GREB1L: variants seen among roughly 807,000 people sequenced by gnomAD.
GREB1L encodes GREB1-like protein.
Under a neutral mutation model 200.8 loss-of-function variants are expected in GREB1L, and 17 were observed. The observed-to-expected ratio is 0.08, with a 90% CI of 0.06 to 0.13. The LOEUF is 0.13. Among genes scored for constraint, GREB1L ranks in the 10% least tolerant of loss-of-function variants. The pLI, the probability that GREB1L is intolerant of heterozygous loss-of-function variation, is 1.00. For missense variants in GREB1L, 1,657 were observed against 2,367.7 expected (o/e 0.70, Z 6.23); for synonymous variants, 789 against 893.0 (o/e 0.88, Z 2.08).
intron 32 of GREB1L, among the ~76,000 whole-genome samples, chr18:21,521,046 A>C (rs2037585322): frequency 6.6e-6 from 1 of 152,050 alleles, no homozygotes; most frequent in Non-Finnish European, 1.5e-5. Flanking sequence ...ATACAACAAA[A>C]ATTAGCCAGG....
intron 11 of GREB1L, among the ~76,000 whole-genome samples, chr18:21,447,316 T>A (rs2034279308): frequency 6.6e-6 from 1 of 152,066 alleles, no homozygotes. Context: ...AAAATTTTTT[T>A]AAAAGGCTGA....
At chr18:21,289,306 T>C (rs1761941976) in intron 1 of GREB1L, among the ~76,000 whole-genome samples, 1 of 152,094 alleles carries the variant, frequency 6.6e-6, no homozygotes, top group Non-Finnish European at 1.5e-5. Context: ...TCTCAATGCT[T>C]TGGGAGGCTG....
At chr18:21,326,844 T>C (rs895907345) in intron 1 of GREB1L, among the ~76,000 whole-genome samples, 2 of 152,226 alleles carry the variant, frequency 1.3e-5, no homozygotes, top group Non-Finnish European at 2.9e-5. Context: ...CAGCCTGTTG[T>C]TCCCTCCTCC....
At chr18:21,480,517 A>G (rs933628262) in intron 17 of GREB1L, among the ~76,000 whole-genome samples, 31 of 152,206 alleles carry the variant, frequency 2.0e-4, no homozygotes, top group African/African-American at 6.8e-4. Context: ...TGAGATCAAC[A>G]TGGGATAAAG....
chr18:21,452,139 G>C lies in GREB1L; in HGVS notation c.1906G>C (p.Val636Leu), dbSNP rs1334450674. The C allele has an allele frequency of 8.4e-6, 13 of 1,551,988 alleles. No individual in the cohort carries two copies. The highest frequency in any genetic ancestry group is 1.7e-4 in the Middle Eastern group (1 of 6,020). ...GCAACAAAGAAGAGGAGACAGTGTG[G>C]TTACCCCTTTCGATGGAGACCTTAA... is the stretch of plus-strand genomic sequence containing the variant. Reference protein sequence around the residue: ...KMQQRRGDSVVTPFDGDLNEC... With the variant: ...KMQQRRGDSVLTPFDGDLNEC... Residue 636 changes from valine to leucine, a missense_variant, in exon 14 of 33, where the codon GTT (valine) becomes CTT (leucine). Val to Leu is a conservative substitution (Grantham distance 32). Transcript: ENST00000424526.
At chr18:21,389,865 T>C (rs1187716616) in intron 4 of GREB1L, among the ~76,000 whole-genome samples, 1 of 152,028 alleles carries the variant, frequency 6.6e-6, no homozygotes, top group Non-Finnish European at 1.5e-5. Flanking sequence ...GTGTATCAAA[T>C]GATGCTCAGA....
In GREB1L at chr18:21,444,323, A is replaced by T. The variant is rs1376157710; in HGVS notation, c.1307A>T (p.Asp436Val). ...CYKIPQLENK[D>V]LEKLGLTGSQ... ...AAGATTCCACAGTTGGAAAACAAAG[A>T]TTTGGAAAAATTAGGGTTGACCGGC... The change falls in exon 11 of 33, where the codon GAT becomes GTT. Residue 436 changes from aspartate to valine, a missense_variant. Asp to Val is a radical substitution (Grantham distance 152). Transcript: ENST00000424526. The T allele has an allele frequency of 1.3e-6, 2 of 1,552,006 alleles. No homozygotes were observed. Among genetic ancestry groups the T allele is most frequent in the African/African-American group, 2.7e-5 (2 of 73,050 alleles).
intron 1 of GREB1L, among the ~76,000 whole-genome samples, chr18:21,309,369 C>T (rs1161906038): frequency 6.6e-6 from 1 of 152,168 alleles, no homozygotes; most frequent in Admixed American, 6.5e-5. Flanking sequence ...CTATTCTGTC[C>T]GTGTGAGTGC....
chr18:21,332,301 A>G (rs539762749), intron 1 of GREB1L, among the ~76,000 whole-genome samples: 24 of 152,246 alleles, frequency 1.6e-4, no homozygotes, highest in African/African-American at 5.3e-4. Flanking sequence ...TTCTACTGTC[A>G]CTTTTTATAC....
chr18:21,358,870 A>C (rs1317236301), intron 1 of GREB1L, among the ~76,000 whole-genome samples: 2 of 152,246 alleles, frequency 1.3e-5, no homozygotes, highest in Non-Finnish European at 2.9e-5. Context: ...TCACAGAATA[A>C]AAGAAAAAGA....
chr18:21,362,799 AGAT>A (rs1024820905), intron 1 of GREB1L, among the ~76,000 whole-genome samples: 3 of 152,344 alleles, frequency 2.0e-5, no homozygotes, highest in Non-Finnish European at 4.4e-5. Context: ...GTTTTAAATA[AGAT>A]GTTTTAAACA....
chr18:21,404,770 G>A (rs1598770667), intron 7 of GREB1L, among the ~76,000 whole-genome samples: 1 of 152,196 alleles, frequency 6.6e-6, no homozygotes, highest in East Asian at 1.9e-4. Context: ...TATATCTTAG[G>A]CAAGAAGGAA....
intron 1 of GREB1L, among the ~76,000 whole-genome samples, chr18:21,250,438 G>A (rs2037684547): frequency 6.6e-6 from 1 of 152,142 alleles, no homozygotes; most frequent in Non-Finnish European, 1.5e-5. Context: ...TAAAAAAAAT[G>A]TTCTGCCATA....
At chr18:21,450,725 C>T (rs535837689) in intron 12 of GREB1L, 2 of 222,570 alleles carry the variant, frequency 9.0e-6, no homozygotes, top group South Asian at 9.1e-5. Context: ...CAGCCCCTGG[C>T]GGGGACAGGG....
chr18:21,511,777 G>T (rs1354761010), intron 27 of GREB1L, among the ~76,000 whole-genome samples: 1 of 152,164 alleles, frequency 6.6e-6, no homozygotes, highest in East Asian at 1.9e-4. Context: ...CTCCTGAGTG[G>T]CTAGGACTAT....
In GREB1L at chr18:21,384,220, GTGGAGGATC is replaced by G. The variant is rs1567967082; in HGVS notation, c.177_185del (p.Glu59_Leu61del). On this transcript the variant is annotated inframe_deletion, in exon 4 of 33. Transcript: ENST00000424526. ...TGCTTACCCAGATGTCAAACCCAAG[GTGGAGGATC>G]TGGACAAAGATTTGGTAAACCGCTA... 6.5e-7 allele frequency: 1 copy of G among 1,550,202 alleles called. No homozygotes were observed. Among genetic ancestry groups the G allele is most frequent in the Non-Finnish European group, 8.7e-7 (1 of 1,145,792 alleles).
At chr18:21,391,499 A>G (rs1447271529) in intron 4 of GREB1L, among the ~76,000 whole-genome samples, 3 of 152,270 alleles carry the variant, frequency 2.0e-5, no homozygotes, top group Non-Finnish European at 4.4e-5. Flanking sequence ...TATATGAGTC[A>G]GAGAGGTGTT....
rs775980815 is a variant in GREB1L at position 21,516,712 on chromosome 18, G to C, written c.5229G>C (p.Gln1743His). The C allele has an allele frequency of 6.4e-7, 1 of 1,551,586 alleles. No homozygotes were observed. The highest frequency in any genetic ancestry group is 1.2e-5 in the South Asian group (1 of 84,054). ...TCAGTCTCATGAAGAAACATGTTCA[G>C]GTTGGAGGGCAAAGGGACTTTATCA... ...NNFSLMKKHV[Q>H]VGGQRDFIIK... The change falls in exon 30 of 33, where the codon CAG (glutamine) becomes CAC (histidine). Residue 1743 changes from glutamine to histidine, a missense_variant. This residue lies in a region of GREB1L where 190 missense variants were observed against 230.2 expected (regional missense o/e 0.83). Coordinates refer to ENST00000424526, the MANE Select transcript of GREB1L (RefSeq NM_001142966.3).
At chr18:21,270,808 T>A (rs892435215) in intron 1 of GREB1L, among the ~76,000 whole-genome samples, 6 of 152,228 alleles carry the variant, frequency 3.9e-5, no homozygotes, top group African/African-American at 1.4e-4. Context: ...TCTGGTGACA[T>A]TTGGAAGTAA....
Sources: allele counts gnomAD v4.1 joint callset (sites outside exome capture counted in the v4.1 genomes callset), GRCh38; gene constraint gnomAD v4.1.1; regional missense constraint gnomAD v4.1.1; transcripts MANE v1.5; gene names NCBI Gene and HGNC (gene_info 2026-07-23, HGNC 2026-07-21).